The following RBPMS2 variants were observed in gnomAD, a reference collection of about 807,000 sequenced individuals.
The protein encoded by RBPMS2 is RNA-binding protein with multiple splicing 2.
RBPMS2 carries 14 observed loss-of-function variants against 25.7 expected under a neutral mutation model. The observed-to-expected ratio is 0.55, with a 90% CI of 0.36 to 0.85. The LOEUF (loss-of-function observed/expected upper bound fraction) is 0.85, where lower values mean the gene tolerates loss of function less well. Ranked by LOEUF, RBPMS2 falls within the 40% of genes least tolerant of loss-of-function variation. RBPMS2 has a pLI of 0.01. For missense variants in RBPMS2, 252 were observed against 283.4 expected (o/e 0.89, Z 0.80); for synonymous variants, 127 against 115.6 (o/e 1.10, Z -0.63).
At chr15:64,767,901 C>T (rs986374590) in intron 1 of RBPMS2, among the ~76,000 whole-genome samples, 7 of 152,174 alleles carry the variant, frequency 4.6e-5, no homozygotes, top group Non-Finnish European at 8.8e-5. Flanking sequence ...CTCCCAGGCT[C>T]AAGTGATCCT....
At chr15:64,769,313 A>G (rs189560535) in intron 1 of RBPMS2, among the ~76,000 whole-genome samples, 1 of 150,578 alleles carries the variant, frequency 6.6e-6, no homozygotes, top group East Asian at 2.0e-4. Flanking sequence ...TAATCCCCCT[A>G]CTTGGGAGGC....
At chr15:64,745,649 A>C (rs1396192192) in intron 6 of RBPMS2, among the ~76,000 whole-genome samples, 1 of 152,204 alleles carries the variant, frequency 6.6e-6, no homozygotes. Flanking sequence ...TTCTATGCTG[A>C]ACCCCACTGG....
At chr15:64,761,741 C>A (rs1489508793) in intron 1 of RBPMS2, among the ~76,000 whole-genome samples, 1 of 118,642 alleles carries the variant, frequency 8.4e-6, no homozygotes, top group African/African-American at 3.1e-5. Flanking sequence ...CTCACTCTGT[C>A]GCCCAGGCTG....
intron 1 of RBPMS2, among the ~76,000 whole-genome samples, chr15:64,772,821 C>T (rs1009209866): frequency 6.6e-6 from 1 of 152,128 alleles, no homozygotes; most frequent in Non-Finnish European, 1.5e-5. Flanking sequence ...CTGGCAAGTC[C>T]TTCCGACCTC....
At chr15:64,759,049 C>G (rs1292056362) in intron 1 of RBPMS2, among the ~76,000 whole-genome samples, 2 of 152,094 alleles carry the variant, frequency 1.3e-5, no homozygotes, top group African/African-American at 4.8e-5. Flanking sequence ...CCCCAGCCTC[C>G]CAAAGCACTG....
At chr15:64,754,060 C>T (rs1415340899) in intron 1 of RBPMS2, among the ~76,000 whole-genome samples, 2 of 152,216 alleles carry the variant, frequency 1.3e-5, no homozygotes, top group East Asian at 1.9e-4. Flanking sequence ...CCTGTAACCC[C>T]AGCACTTTGG....
rs544354585 is a variant in RBPMS2, at chr15:64,764,970, T to C, written c.87+10263A>G. 1.5e-3 allele frequency among the ~76,000 whole-genome samples: 217 copies of C among 148,636 alleles called. 6 individuals carry two copies. The South Asian group carries it at 0.043, about 30-fold the overall frequency. ...GGCCAGGCACGGTGGCTCACGCCTG[T>C]AATCCCAGCACTTTGGGAGGCAGAG... is the stretch of plus-strand genomic sequence containing the variant. On this transcript the variant is annotated intron_variant, in intron 1 of 7. Coordinates refer to ENST00000300069, the MANE Select transcript of RBPMS2 (RefSeq NM_194272.3).
chr15:64,759,158 C>T (rs1244050757), intron 1 of RBPMS2, among the ~76,000 whole-genome samples: 2 of 152,102 alleles, frequency 1.3e-5, no homozygotes, highest in Admixed American at 6.6e-5. Flanking sequence ...GCTCCAGCAT[C>T]GTAACTCAGC....
At chr15:64,750,443 C>A (rs78284461) in intron 2 of RBPMS2, 62 bp from the exon 3 acceptor site, 2 of 1,422,374 alleles carry the variant, frequency 1.4e-6, no homozygotes, top group Non-Finnish European at 2.0e-6. Context: ...TAGCCCAGCG[C>A]TGCCACCTCA....
intron 1 of RBPMS2, among the ~76,000 whole-genome samples, chr15:64,766,208 T>G (rs1396904723): frequency 6.6e-6 from 1 of 152,180 alleles, no homozygotes; most frequent in East Asian, 1.9e-4. Context: ...CAAGAGCCTC[T>G]GCTCAGTTGG....
At chr15:64,770,691 T>C (rs140396373) in intron 1 of RBPMS2, among the ~76,000 whole-genome samples, 2 of 152,200 alleles carry the variant, frequency 1.3e-5, no homozygotes, top group South Asian at 2.1e-4. Flanking sequence ...TCAAATGCTA[T>C]TGATGTTAAA....
At position 64,748,443 on chromosome 15, in the gene RBPMS2, G is replaced by A. The variant is rs191996230; in HGVS notation, c.543C>T (p.Ala181=). The change falls in exon 6 of 8, where the codon GCC becomes GCT. Residue 181 remains alanine, a synonymous_variant. Coordinates refer to ENST00000300069, the MANE Select transcript of RBPMS2 (RefSeq NM_194272.3). ...CCTGAGCGTGGAGGGCGGCGGCAGC[G>A]GCAGTGGCAGTTGGGTAGGTGAACG... The part of the protein sequence containing the change: ...HAAFTYPTAT[A]AAAALHAQVR... The A allele has an allele frequency of 3.2e-5, 52 of 1,614,056 alleles. No individual in the cohort carries two copies. Among genetic ancestry groups the A allele is most frequent in the East Asian group, 3.1e-4 (14 of 44,880 alleles).
At chr15:64,761,361 A>G (rs952365200) in intron 1 of RBPMS2, 1 of 152,152 alleles carries the variant, frequency 6.6e-6, no homozygotes, top group African/African-American at 2.4e-5. Flanking sequence ...AAGAAACCTT[A>G]TTTTTAGAGG....
Position 64,741,184 on chromosome 15 carries a change from C to A in RBPMS2, c.626G>T (p.Cys209Phe). Residue 209 changes from cysteine (C) to phenylalanine (F), a missense_variant, in exon 7 of 8, where the codon TGT becomes TTT. Physicochemically the swap from Cys to Phe is radical, Grantham distance 205. Transcript: ENST00000300069. The stretch of plus-strand genomic sequence containing the variant: ...GGGCCAACACTTACTGAAAAACTAA[C>A]AGAACTGACGGTACTTCCATCCTTG... ...TQQGWKYRQF[C>F] is the part of the protein sequence containing the mutation. The A allele has an allele frequency of 6.3e-7, 1 of 1,581,302 alleles. No individual in the cohort carries two copies. The highest frequency in any genetic ancestry group is 1.2e-5 in the South Asian group (1 of 86,184).
chr15:64,756,970 A>AT (rs567804797), intron 1 of RBPMS2, among the ~76,000 whole-genome samples: 3,399 of 98,920 alleles, frequency 0.034, 79 homozygotes, highest in Non-Finnish European at 0.053. Context: ...GCCCGGCCTC[A>AT]TTTTTTTTTT....
chr15:64,751,737 T>C, intron 1 of RBPMS2, 99 bp from the exon 2 acceptor site: 1 of 951,522 alleles, frequency 1.1e-6, no homozygotes, highest in South Asian at 1.4e-5. Context: ...CTTCTAGAGC[T>C]TAGAGGAATT....
rs1406212372 is a variant in RBPMS2, at chr15:64,740,947, C to A, written c.*61G>T. 3 of 476,368 alleles carry A rather than the reference C, an allele frequency of 6.3e-6. No homozygotes were observed. In the Admixed American group the frequency reaches 1.1e-4, roughly 17 times the overall value. 29.5% of individuals were successfully genotyped at this position (476,368 alleles called of 1,614,324 possible). On this transcript the variant is annotated 3_prime_UTR_variant, in exon 8 of 8. Transcript: ENST00000300069. ...GCCCGGGGGCAGTGGGAACTCGGGG[C>A]GCCTGTCCCGGCACCACCACAGATT...
At chr15:64,745,432 C>G (rs1397009473) in intron 6 of RBPMS2, among the ~76,000 whole-genome samples, 2 of 152,140 alleles carry the variant, frequency 1.3e-5, no homozygotes, top group African/African-American at 4.8e-5. Flanking sequence ...ATGCTATTAT[C>G]ATCTCCATGA....
At chr15:64,765,516 C>T (rs1022802347) in intron 1 of RBPMS2, among the ~76,000 whole-genome samples, 3 of 150,612 alleles carry the variant, frequency 2.0e-5, no homozygotes, top group Non-Finnish European at 4.4e-5. Flanking sequence ...GAGCTCGAAG[C>T]TACAGTGAGC....
Sources: allele counts gnomAD v4.1 joint callset (sites outside exome capture counted in the v4.1 genomes callset), GRCh38; gene constraint gnomAD v4.1.1; transcripts MANE v1.5; gene names NCBI Gene and HGNC (gene_info 2026-07-23, HGNC 2026-07-21).